Variants in ONECUT2 observed in about 807,000 individuals in gnomAD.
The protein encoded by ONECUT2 is one cut domain family member 2.
ONECUT2 carries 10 observed loss-of-function variants against 27.9 expected under a neutral mutation model. That is an observed-to-expected ratio of 0.36 (90% CI 0.22 to 0.61). The LOEUF (loss-of-function observed/expected upper bound fraction) is 0.61. Among genes scored for constraint, ONECUT2 ranks in the 20% least tolerant of loss-of-function variants. The pLI is 0.73. For missense variants in ONECUT2, 686 were observed against 721.0 expected (o/e 0.95, Z 0.56); for synonymous variants, 334 against 315.1 (o/e 1.06, Z -0.64).
chr18:57,437,233 C>T (rs1393837091), intron 1 of ONECUT2, among the ~76,000 whole-genome samples: 2 of 149,462 alleles, frequency 1.3e-5, no homozygotes, highest in Admixed American at 1.3e-4. Context: ...AATGTGCCAA[C>T]CTTTGCCCTA....
At chr18:57,455,874 G>T (rs964665593) in intron 1 of ONECUT2, among the ~76,000 whole-genome samples, 10 of 152,172 alleles carry the variant, frequency 6.6e-5, no homozygotes, top group African/African-American at 2.4e-4. Flanking sequence ...GGTAAGGACA[G>T]TATAGAGTAA....
rs150184219 is a variant in ONECUT2 at position 57,476,888 on chromosome 18, C to T, written c.*165C>T. 2 of 782,844 alleles carry T rather than the reference C, an allele frequency of 2.6e-6. No individual in the cohort carries two copies. The highest frequency in any genetic ancestry group is 2.9e-5 in the Admixed American group (1 of 34,252). 48.5% of individuals were successfully genotyped at this position (782,844 alleles called of 1,614,324 possible). On this transcript the variant is annotated 3_prime_UTR_variant, in exon 2 of 2. Transcript: ENST00000491143. Reference sequence around the variant, plus strand: ...CTTATATTCTAGCTGTAATCATAGGCCAGGTGTTCTTCTTTTGTTTTTAAT... The same window carrying T: ...CTTATATTCTAGCTGTAATCATAGGTCAGGTGTTCTTCTTTTGTTTTTAAT...
chr18:57,444,358 G>A (rs761802441), intron 1 of ONECUT2: 70 of 456,640 alleles, frequency 1.5e-4, no homozygotes, highest in African/African-American at 8.4e-4. Flanking sequence ...CCTGTTTGAC[G>A]GCTCATTTTT....
rs375646748 is a variant in ONECUT2, at chr18:57,436,673, A to G, written c.957A>G (p.Ser319=). The change falls in exon 1 of 2, where the codon TCA becomes TCG. Residue 319 remains serine (S), a synonymous_variant. Coordinates refer to ENST00000491143, the MANE Select transcript of ONECUT2 (RefSeq NM_004852.3). This position sits in a 1 kb window ranked among gnomAD's most constrained non-coding sequence, Gnocchi z 5.9. ...GTCGCGAGCGGCCACCCTCGTCCTCATCGGGCTCGCAGGTGGCCACGTCGG... is the reference window on the plus strand; with the variant it reads ...GTCGCGAGCGGCCACCCTCGTCCTCGTCGGGCTCGCAGGTGGCCACGTCGG... ...APSRERPPSS[S]SGSQVATSGQ... is the part of the protein sequence containing the mutation. 24 of 1,612,962 alleles carry G rather than the reference A, an allele frequency of 1.5e-5. No homozygotes were observed. Among genetic ancestry groups the G allele is most frequent in the African/African-American group, 1.2e-4 (9 of 74,924 alleles).
intron 1 of ONECUT2, among the ~76,000 whole-genome samples, chr18:57,471,360 C>T (rs2050352631): frequency 6.6e-6 from 1 of 152,142 alleles, no homozygotes; most frequent in Non-Finnish European, 1.5e-5. Context: ...ATGGGGAAGG[C>T]ATGGAGAAAG....
intron 1 of ONECUT2, among the ~76,000 whole-genome samples, chr18:57,449,197 T>A (rs1182674323): frequency 1.3e-5 from 2 of 152,180 alleles, no homozygotes; most frequent in African/African-American, 4.8e-5. Context: ...CTTTGGACCA[T>A]CCCTCCCTTT....
In ONECUT2 at chr18:57,485,393, G is replaced by A. The variant is rs953129592; in HGVS notation, c.*8670G>A. 4 of 152,302 alleles carry A rather than the reference G, an allele frequency of 2.6e-5. No homozygotes were observed. The East Asian group carries it at 7.7e-4, about 29-fold the overall frequency. 9.4% of individuals were successfully genotyped at this position (152,302 alleles called of 1,614,324 possible). On this transcript the variant is annotated 3_prime_UTR_variant, in exon 2 of 2. Transcript: ENST00000491143. ...TGAAAAATGACCCCAAAATTACAGAGGAATATGCCAGTTTAAGAAATGGCT... is the reference window on the plus strand; with the variant it reads ...TGAAAAATGACCCCAAAATTACAGAAGAATATGCCAGTTTAAGAAATGGCT...
chr18:57,435,981 C>A lies in ONECUT2; in HGVS notation c.265C>A (p.Gln89Lys). The change falls in exon 1 of 2, where the codon CAG becomes AAG. Residue 89 changes from glutamine (Q) to lysine (K), a missense_variant. This residue lies in a region of ONECUT2 where 511 missense variants were observed against 488.1 expected (regional missense o/e 1.05). Transcript: ENST00000491143. Reference protein sequence around the residue: ...RGPPPPPTAHQELGTAAAAAA... With the variant: ...RGPPPPPTAHKELGTAAAAAA... ...CCCTCCGCCGCCTCCAACCGCGCAC[C>A]AGGAGCTGGGCACGGCGGCAGCGGC... is the stretch of plus-strand genomic sequence containing the variant. The A allele has an allele frequency of 6.8e-7, 1 of 1,466,456 alleles. No homozygotes were observed. Among genetic ancestry groups the A allele is most frequent in the South Asian group, 1.4e-5 (1 of 72,676 alleles). The allele number at this position is 1,466,456 out of a possible 1,614,324, so 90.8% of individuals were successfully genotyped here.
At chr18:57,439,328 C>T (rs1457222182) in intron 1 of ONECUT2, among the ~76,000 whole-genome samples, 1 of 152,200 alleles carries the variant, frequency 6.6e-6, no homozygotes. Context: ...GCTGAAGCTG[C>T]CTTCGTGGGA....
chr18:57,450,467 C>A (rs1598933942), intron 1 of ONECUT2, among the ~76,000 whole-genome samples: 3 of 152,144 alleles, frequency 2.0e-5, no homozygotes, highest in Admixed American at 1.3e-4. Flanking sequence ...AGCCACTGCA[C>A]CCAACCTGAA....
At position 57,481,602 on chromosome 18, in the gene ONECUT2, C is replaced by T. The variant is rs1300079720; in HGVS notation, c.*4879C>T. 3 of 152,194 alleles carry T rather than the reference C, an allele frequency of 2.0e-5. No homozygotes were observed. The highest frequency in any genetic ancestry group is 1.5e-5 in the Non-Finnish European group (1 of 68,026). 9.4% of individuals were successfully genotyped at this position (152,194 alleles called of 1,614,324 possible). A position where few individuals can be genotyped will look rare whatever the true frequency, so the allele number is the denominator to read the frequency against. ...CACTATTATCTGGGTATGGGGGAAACTTCCCCACTTTTGAAAATGTTGGTA... is the reference window on the plus strand; with the variant it reads ...CACTATTATCTGGGTATGGGGGAAATTTCCCCACTTTTGAAAATGTTGGTA... On this transcript the variant is annotated 3_prime_UTR_variant, in exon 2 of 2. Coordinates refer to ENST00000491143, the MANE Select transcript of ONECUT2 (RefSeq NM_004852.3).
chr18:57,436,787 G>C lies in ONECUT2; in HGVS notation c.1071G>C (p.Ala357=). The C allele has an allele frequency of 6.2e-7, 1 of 1,614,094 alleles. No homozygotes were observed. Among genetic ancestry groups the C allele is most frequent in the Non-Finnish European group, 8.5e-7 (1 of 1,180,046 alleles). The change falls in exon 1 of 2, where the codon GCG becomes GCC. Residue 357 remains alanine, a synonymous_variant. Transcript: ENST00000491143. This position sits in a 1 kb window ranked among gnomAD's most constrained non-coding sequence, Gnocchi z 5.9. ...ACAGTATCCCCCAGGCGATCTTTGC[G>C]CAGAGGGTGCTGTGCCGGTCTCAGG... ...KRYSIPQAIF[A]QRVLCRSQGT...
At chr18:57,439,730 A>C (rs2050163813) in intron 1 of ONECUT2, among the ~76,000 whole-genome samples, 1 of 152,162 alleles carries the variant, frequency 6.6e-6, no homozygotes, top group South Asian at 2.1e-4. Context: ...TAACAAGCCC[A>C]GCCGCTCCGC....
In ONECUT2 at chr18:57,481,167, T is replaced by A. The variant is rs2050414193; in HGVS notation, c.*4444T>A. 1 of 152,212 alleles carries A rather than the reference T, an allele frequency of 6.6e-6. No individual in the cohort carries two copies. The highest frequency in any genetic ancestry group is 1.5e-5 in the Non-Finnish European group (1 of 68,042). The allele number at this position is 152,212 out of a possible 1,614,324, so 9.4% of individuals were successfully genotyped here. Reference sequence around the variant, plus strand: ...AGACAGAGCCAATACATTTCTTTTTTTAAAGGAAACAGCAACAACAATAAA... The same window carrying A: ...AGACAGAGCCAATACATTTCTTTTTATAAAGGAAACAGCAACAACAATAAA... On this transcript the variant is annotated 3_prime_UTR_variant, in exon 2 of 2. Transcript: ENST00000491143.
At chr18:57,475,222 A>T (rs1321789835) in intron 1 of ONECUT2, among the ~76,000 whole-genome samples, 2 of 151,620 alleles carry the variant, frequency 1.3e-5, no homozygotes, top group African/African-American at 4.8e-5. Flanking sequence ...ATGCCCAGCT[A>T]TTTTTTTGTA....
intron 1 of ONECUT2, among the ~76,000 whole-genome samples, chr18:57,461,178 A>G (rs1040670930): frequency 6.6e-6 from 1 of 151,504 alleles, no homozygotes; most frequent in African/African-American, 2.4e-5. Context: ...TTTTAACTTC[A>G]TATAAACAGA....
rs954430924 is a variant in ONECUT2 at position 57,435,624 on chromosome 18, C to T, written c.-93C>T. 6.1e-6 allele frequency: 6 copies of T among 976,744 alleles called. No individual in the cohort carries two copies. In the Admixed American group the frequency reaches 1.9e-4, roughly 31 times the overall value. The allele number at this position is 976,744 out of a possible 1,614,324, so 60.5% of individuals were successfully genotyped here. ...CCTCTCCACTCACTCCCGCGCCCGC[C>T]CCCACTCCCGCAGCCGAGCCCCGCC... On this transcript the variant is annotated 5_prime_UTR_variant, in exon 1 of 2. Transcript: ENST00000491143.
chr18:57,465,561 CT>C (rs1349435837), intron 1 of ONECUT2, among the ~76,000 whole-genome samples: 6 of 152,214 alleles, frequency 3.9e-5, no homozygotes, highest in Non-Finnish European at 7.3e-5. Context: ...AAAGCCACCT[CT>C]TTTTGCATCA....
intron 1 of ONECUT2, among the ~76,000 whole-genome samples, chr18:57,449,572 G>A (rs496194): frequency 0.94 from 143,183 of 152,286 alleles, 67,904 homozygotes; most frequent in East Asian, 1. Context: ...ATTATCGCCA[G>A]TGGAGCAAGA....
Sources: allele counts gnomAD v4.1 joint callset (sites outside exome capture counted in the v4.1 genomes callset), GRCh38; gene constraint gnomAD v4.1.1; regional missense constraint gnomAD v4.1.1; non-coding constraint Gnocchi (gnomAD v3.1); transcripts MANE v1.5; gene names NCBI Gene and HGNC (gene_info 2026-07-23, HGNC 2026-07-21).